Variants in NTM observed in about 807,000 individuals in gnomAD.
NTM encodes neurotrimin.
In NTM, 13 loss-of-function variants were observed where a neutral mutation model predicts 42.1. That is an observed-to-expected ratio of 0.31 (90% CI 0.20 to 0.49). The LOEUF is 0.49. NTM is among the 20% of genes least tolerant of loss of function. The pLI is 0.99. For synonymous variants in NTM, 187 were observed against 179.2 expected (o/e 1.04, Z -0.35); for missense variants, 373 against 452.8 (o/e 0.82, Z 1.60).
intron 4 of NTM, among the ~76,000 whole-genome samples, chr11:132,241,349 C>T (rs920855540): frequency 1.3e-5 from 2 of 152,108 alleles, no homozygotes; most frequent in Non-Finnish European, 2.9e-5. Flanking sequence ...GGTTGATAAT[C>T]ATGTGATTGG....
rs996127089 is a variant in NTM, at chr11:131,640,060, G to C, written c.82+269172G>C. 2.0e-5 allele frequency among the ~76,000 whole-genome samples: 3 copies of C among 152,172 alleles called. No homozygotes were observed. In the East Asian group the frequency reaches 5.8e-4, roughly 29 times the overall value. ...TTCTATTGAGCTAGGAAGACATGGGGGCGTCCATCCCGGAGGAGGATGGTG... is the reference window on the plus strand; with the variant it reads ...TTCTATTGAGCTAGGAAGACATGGGCGCGTCCATCCCGGAGGAGGATGGTG... On this transcript the variant is annotated intron_variant, in intron 1 of 8. Coordinates refer to ENST00000683400, the MANE Select transcript of NTM (RefSeq NM_001352005.2).
chr11:132,323,294 A>G (rs1411445481), intron 7 of NTM, among the ~76,000 whole-genome samples: 2 of 151,950 alleles, frequency 1.3e-5, no homozygotes, highest in African/African-American at 2.4e-5. Context: ...AAGACTAATA[A>G]AGAAAAAAAG....
intron 1 of NTM, among the ~76,000 whole-genome samples, chr11:131,456,238 G>C (rs1463451727): frequency 6.6e-6 from 1 of 152,198 alleles, no homozygotes; most frequent in African/African-American, 2.4e-5. Context: ...GGTTGTTTCA[G>C]TCGCTGTTAG....
At position 131,444,787 on chromosome 11, in the gene NTM, G is replaced by A. The variant is rs1949916275; in HGVS notation, c.82+73899G>A. ...GTCAAGGATACAAGTGGAATCAGTT[G>A]ATCTAACAGGGCTTTCTGTTGGCTA... On this transcript the variant is annotated intron_variant, in intron 1 of 8. Coordinates refer to ENST00000683400, the MANE Select transcript of NTM (RefSeq NM_001352005.2). Among the ~76,000 whole-genome samples the A allele has an allele frequency of 2.6e-5, 4 of 152,154 alleles. No individual in the cohort carries two copies. The South Asian group carries it at 8.3e-4, about 32-fold the overall frequency.
chr11:131,702,844 A>C (rs1011176579), intron 1 of NTM, among the ~76,000 whole-genome samples: 11 of 152,254 alleles, frequency 7.2e-5, no homozygotes, highest in Middle Eastern at 3.2e-3. Context: ...ACATTTCACA[A>C]AGCTGCAATA....
At chr11:132,056,439 A>G (rs2079674173) in intron 2 of NTM, among the ~76,000 whole-genome samples, 2 of 152,362 alleles carry the variant, frequency 1.3e-5, no homozygotes, top group South Asian at 4.1e-4. Context: ...CCTAGCATAG[A>G]TCATCTGCCA....
intron 1 of NTM, among the ~76,000 whole-genome samples, chr11:131,578,466 G>T (rs1385605154): frequency 1.3e-5 from 2 of 152,174 alleles, no homozygotes; most frequent in Non-Finnish European, 2.9e-5. Flanking sequence ...GGGGAGAGCT[G>T]CAGGGAAGTG....
chr11:131,396,224 A>G (rs1470050875), intron 1 of NTM, among the ~76,000 whole-genome samples: 1 of 152,144 alleles, frequency 6.6e-6, no homozygotes, highest in Non-Finnish European at 1.5e-5. Flanking sequence ...CTCCTTCCTC[A>G]CCTACAAAAC....
chr11:131,502,469 G>C (rs1180751277), intron 1 of NTM, among the ~76,000 whole-genome samples: 1 of 152,124 alleles, frequency 6.6e-6, no homozygotes, highest in Non-Finnish European at 1.5e-5. Flanking sequence ...GGGAAAAAAG[G>C]GAGAAGAGAC....
intron 1 of NTM, among the ~76,000 whole-genome samples, chr11:131,372,448 G>A (rs1282082116): frequency 6.6e-6 from 1 of 152,146 alleles, no homozygotes; most frequent in Non-Finnish European, 1.5e-5. Flanking sequence ...GTATCAGTGT[G>A]TGTGTGTGTG....
At chr11:131,644,739 T>C (rs74826201) in intron 1 of NTM, among the ~76,000 whole-genome samples, 3,929 of 151,986 alleles carry the variant, frequency 0.026, 189 homozygotes, top group African/African-American at 0.089. Context: ...GGATTTTTCT[T>C]AAGAAGATTG....
chr11:131,764,770 C>G (rs1052618050), intron 1 of NTM, among the ~76,000 whole-genome samples: 14 of 152,130 alleles, frequency 9.2e-5, no homozygotes, highest in African/African-American at 3.1e-4. Context: ...GAACATGACT[C>G]GAAGTTGCTC....
chr11:132,214,189 TGG>T, intron 4 of NTM, among the ~76,000 whole-genome samples: 1 of 152,152 alleles, frequency 6.6e-6, no homozygotes, highest in Non-Finnish European at 1.5e-5. Context: ...TGATGGAAAA[TGG>T]CCCTGGGCCC....
intron 1 of NTM, among the ~76,000 whole-genome samples, chr11:131,554,581 T>C (rs915973065): frequency 6.6e-6 from 1 of 151,250 alleles, no homozygotes; most frequent in South Asian, 2.1e-4. Context: ...CAAGGAATGA[T>C]AGAATGCTAT....
intron 2 of NTM, among the ~76,000 whole-genome samples, chr11:132,114,142 A>G (rs141716117): frequency 1.4e-4 from 22 of 152,360 alleles, no homozygotes; most frequent in African/African-American, 5.3e-4. Context: ...TTAAAAAAAT[A>G]AAAGAGATGT....
intron 4 of NTM, among the ~76,000 whole-genome samples, chr11:132,240,626 G>GA (rs1203226554): frequency 1.3e-5 from 2 of 152,314 alleles, no homozygotes; most frequent in East Asian, 1.9e-4. Context: ...GCATTTGCCA[G>GA]AAAAATGCCA....
intron 2 of NTM, among the ~76,000 whole-genome samples, chr11:132,052,984 T>C (rs1314813440): frequency 1.3e-5 from 2 of 152,106 alleles, no homozygotes; most frequent in African/African-American, 2.4e-5. Flanking sequence ...AACAACAAAA[T>C]ACTGCTTTTG....
intron 2 of NTM, among the ~76,000 whole-genome samples, chr11:131,913,551 C>T (rs1196201638): frequency 6.6e-6 from 1 of 152,146 alleles, no homozygotes; most frequent in Non-Finnish European, 1.5e-5. Context: ...TTTTTGAAAT[C>T]GCGTTATCAT....
intron 1 of NTM, among the ~76,000 whole-genome samples, chr11:131,894,182 G>A (rs921569025): frequency 1.3e-5 from 2 of 152,278 alleles, no homozygotes; most frequent in African/African-American, 4.8e-5. Flanking sequence ...GCAATTGTGC[G>A]GCTTCTCTTC....
Sources: allele counts gnomAD v4.1 joint callset (sites outside exome capture counted in the v4.1 genomes callset), GRCh38; gene constraint gnomAD v4.1.1; transcripts MANE v1.5; gene names NCBI Gene and HGNC (gene_info 2026-07-23, HGNC 2026-07-21).